KHDRBS2: variants seen among roughly 807,000 people sequenced by gnomAD.
KHDRBS2 encodes the protein KH domain-containing, RNA-binding, signal transduction-associated protein 2.
A neutral mutation model predicts 44.3 loss-of-function variants in KHDRBS2; 26 were observed. That is an observed-to-expected ratio of 0.59 (90% confidence interval 0.43 to 0.81). KHDRBS2 has a LOEUF of 0.81. Ranked by LOEUF, KHDRBS2 falls within the 40% of genes least tolerant of loss-of-function variation. The probability of loss-of-function intolerance (pLI) is 0.00; values close to 1 mark genes in which losing one functional copy is unlikely to be tolerated. For missense variants in KHDRBS2, 476 were observed against 433.1 expected (o/e 1.10, Z -0.88); for synonymous variants, 194 against 151.1 (o/e 1.28, Z -2.08).
At chr6:61,875,875 A>T (rs1447035693) in intron 6 of KHDRBS2, among the ~76,000 whole-genome samples, 1 of 151,948 alleles carries the variant, frequency 6.6e-6, no homozygotes, top group East Asian at 1.9e-4. Context: ...TATTTATTAA[A>T]TTATTATTTT....
At chr6:61,996,903 C>T (rs925395498) in intron 3 of KHDRBS2, among the ~76,000 whole-genome samples, 1 of 151,718 alleles carries the variant, frequency 6.6e-6, no homozygotes, top group African/African-American at 2.4e-5. Flanking sequence ...CTGCCTCAGC[C>T]TCTGGAGTAG....
intron 1 of KHDRBS2, among the ~76,000 whole-genome samples, chr6:62,273,675 T>C (rs1840449977): frequency 6.6e-6 from 1 of 152,140 alleles, no homozygotes; most frequent in African/African-American, 2.4e-5. Flanking sequence ...AATTATCACC[T>C]AGATGCTAGT....
In KHDRBS2 at chr6:61,876,274, T is replaced by C. The variant is rs530816723; in HGVS notation, c.810+18361A>G. Among the ~76,000 whole-genome samples, 4 of 152,160 alleles carry C rather than the reference T, an allele frequency of 2.6e-5. No individual in the cohort carries two copies. In the South Asian group the frequency reaches 8.3e-4, roughly 32 times the overall value. On this transcript the variant is annotated intron_variant, in intron 6 of 8. Transcript: ENST00000281156. ...CAACATTTTTACTGCCAAATACATT[T>C]TTAAAGGATGCATTAAATTTGAGTC...
Position 62,195,784 on chromosome 6 carries a change from T to A in KHDRBS2, c.92-18472A>T, listed in dbSNP as rs1825559987. ...GAATTCTCATCCCCAAATAAAGGTG[T>A]CAGTGTGGAAAAACAGCCTGCCACT... On this transcript the variant is annotated intron_variant, in intron 1 of 8. Transcript: ENST00000281156. 3.9e-5 allele frequency among the ~76,000 whole-genome samples: 6 copies of A among 152,118 alleles called. No individual in the cohort carries two copies. In the South Asian group the frequency reaches 1.0e-3, roughly 26 times the overall value.
intron 1 of KHDRBS2, among the ~76,000 whole-genome samples, chr6:62,227,405 A>AAACTTT (rs1338132222): frequency 6.6e-6 from 1 of 152,306 alleles, no homozygotes; most frequent in Middle Eastern, 3.4e-3. Flanking sequence ...GTTGCTTAGC[A>AAACTTT]GCTTAAGGAG....
At chr6:61,655,245 C>CAT in the KHDRBS2 span, among the ~76,000 whole-genome samples, 2 of 151,518 alleles carry the variant, frequency 1.3e-5, no homozygotes, top group East Asian at 3.9e-4. Context: ...CACACACACA[C>CAT]ACACACACAC....
chr6:62,263,348 C>T lies in KHDRBS2; in HGVS notation c.91+22510G>A, dbSNP rs182219098. On this transcript the variant is annotated intron_variant, in intron 1 of 8. Transcript: ENST00000281156. Reference sequence around the variant, plus strand: ...TAGTATGTTTGGGATCTAGCAGCTACTGTAATATCAATTCTTTTTTCCATT... The same window carrying T: ...TAGTATGTTTGGGATCTAGCAGCTATTGTAATATCAATTCTTTTTTCCATT... 1.8e-4 allele frequency among the ~76,000 whole-genome samples: 28 copies of T among 151,662 alleles called. No individual in the cohort carries two copies. The East Asian group carries it at 4.5e-3, about 24-fold the overall frequency.
intron 2 of KHDRBS2, among the ~76,000 whole-genome samples, chr6:62,082,164 G>A (rs1430688797): frequency 1.3e-5 from 2 of 152,062 alleles, no homozygotes; most frequent in Non-Finnish European, 2.9e-5. Flanking sequence ...GTGTAGGACT[G>A]GGGCTGGATT....
chr6:62,012,272 A>T (rs186369346), intron 3 of KHDRBS2, among the ~76,000 whole-genome samples: 11 of 152,260 alleles, frequency 7.2e-5, no homozygotes, highest in African/African-American at 1.4e-4. Flanking sequence ...TGATCTCAAA[A>T]CACATTCCAA....
intron 2 of KHDRBS2, among the ~76,000 whole-genome samples, chr6:62,076,649 T>A (rs1189559109): frequency 1.3e-5 from 2 of 152,170 alleles, no homozygotes; most frequent in Admixed American, 6.6e-5. Context: ...AATAGGGACT[T>A]TAAAAGTGTT....
chr6:61,968,813 T>C (rs1405043787), intron 4 of KHDRBS2, among the ~76,000 whole-genome samples: 1 of 151,982 alleles, frequency 6.6e-6, no homozygotes, highest in Non-Finnish European at 1.5e-5. Flanking sequence ...CTCGGGTAGT[T>C]TAAGTAACCA....
At chr6:61,602,211 ATAGAG>A in the KHDRBS2 span, among the ~76,000 whole-genome samples, 1 of 152,176 alleles carries the variant, frequency 6.6e-6, no homozygotes, top group Non-Finnish European at 1.5e-5. Flanking sequence ...ATGTACAGTA[ATAGAG>A]TAGAGGCACC....
chr6:62,161,253 G>A (rs1014425850), intron 2 of KHDRBS2, among the ~76,000 whole-genome samples: 2 of 151,618 alleles, frequency 1.3e-5, no homozygotes, highest in African/African-American at 2.4e-5. Context: ...GCTTTTGATT[G>A]GAGAGTTTAA....
At chr6:61,955,326 A>G (rs1307635533) in intron 4 of KHDRBS2, among the ~76,000 whole-genome samples, 2 of 147,370 alleles carry the variant, frequency 1.4e-5, no homozygotes, top group Non-Finnish European at 3.0e-5. Flanking sequence ...ATATACGTGT[A>G]TATATACACA....
the KHDRBS2 span, among the ~76,000 whole-genome samples, chr6:61,607,974 C>A: frequency 2.0e-5 from 3 of 152,118 alleles, no homozygotes; most frequent in South Asian, 2.1e-4. Flanking sequence ...AGGTGTGAGA[C>A]ACCATGCCCG....
At chr6:61,686,522 G>T (rs1354443889) in intron 8 of KHDRBS2, among the ~76,000 whole-genome samples, 2 of 151,652 alleles carry the variant, frequency 1.3e-5, no homozygotes, top group Non-Finnish European at 2.9e-5. Flanking sequence ...TCACTATTAT[G>T]ATAGCATCCA....
At chr6:61,980,052 A>G (rs1400291386) in intron 3 of KHDRBS2, among the ~76,000 whole-genome samples, 1 of 152,118 alleles carries the variant, frequency 6.6e-6, no homozygotes, top group East Asian at 1.9e-4. Context: ...CTAGCTCATT[A>G]TGGAGCTCAA....
intron 4 of KHDRBS2, among the ~76,000 whole-genome samples, chr6:61,929,630 C>T (rs1809642399): frequency 6.6e-6 from 1 of 152,154 alleles, no homozygotes; most frequent in East Asian, 1.9e-4. Context: ...GATAAAATTG[C>T]TTACTCAAAA....
intron 2 of KHDRBS2, among the ~76,000 whole-genome samples, chr6:62,110,363 A>T (rs1804713269): frequency 6.6e-6 from 1 of 152,096 alleles, no homozygotes; most frequent in South Asian, 2.1e-4. Flanking sequence ...ACCCATACAA[A>T]GACTTCTACA....
Sources: gnomAD v4.1 joint callset for allele counts (sites outside exome capture counted in the v4.1 genomes callset) on GRCh38, gnomAD v4.1.1 for gene constraint, MANE v1.5 for transcripts, NCBI Gene and HGNC (gene_info 2026-07-23, HGNC 2026-07-21) for gene names.